Variants in CUX2 observed in about 807,000 individuals in gnomAD.
The protein encoded by CUX2 is homeobox protein cut-like 2.
A neutral mutation model predicts 144.8 loss-of-function variants in CUX2; 40 were observed. The observed-to-expected ratio is 0.28, with a 90% CI of 0.21 to 0.36. CUX2 has a LOEUF of 0.36. CUX2 is among the 10% of genes least tolerant of loss of function. The probability of loss-of-function intolerance (pLI) is 1.00; values close to 1 mark genes in which losing one functional copy is unlikely to be tolerated. For missense variants in CUX2, 1,615 were observed against 1,994.0 expected, an observed-to-expected ratio of 0.81 and a Z score of 3.62; for synonymous variants, 827 against 875.6, an observed-to-expected ratio of 0.94 and a Z score of 0.98.
intron 1 of CUX2, among the ~76,000 whole-genome samples, chr12:111,181,320 A>C (rs905493243): frequency 9.2e-5 from 14 of 152,252 alleles, no homozygotes; most frequent in African/African-American, 2.9e-4. Context: ...TAGGCAAGCC[A>C]GCAGCTGGCG....
In CUX2 at chr12:111,242,093, T is replaced by C. The variant is rs559504831; in HGVS notation, c.223-21668T>C. Reference sequence around the variant, plus strand: ...GCTGTTCTAAGCAGTGAACAAAATGTTCTAGCAGAGTATGACAGATCAATA... The same window carrying C: ...GCTGTTCTAAGCAGTGAACAAAATGCTCTAGCAGAGTATGACAGATCAATA... On this transcript the variant is annotated intron_variant, in intron 3 of 21. Transcript: ENST00000261726. 1.6e-4 allele frequency among the ~76,000 whole-genome samples: 25 copies of C among 152,374 alleles called. 2 individuals are homozygous for C. In the South Asian group the frequency reaches 5.2e-3, roughly 32 times the overall value.
chr12:111,268,207 GTTTGTTT>G (rs201865877), intron 4 of CUX2, among the ~76,000 whole-genome samples: 12,262 of 142,686 alleles, frequency 0.086, 1,254 homozygotes, highest in East Asian at 0.27. Flanking sequence ...TTTGGTTTTT[GTTTGTTT>G]TTTGTTTTTT....
chr12:111,308,482 C>T lies in CUX2; in HGVS notation c.1214C>T (p.Thr405Met), dbSNP rs375886505. ...LLIAKEAFFP[T>M]QKFLLEKPSL... ...ATTGCAAAGGAGGCCTTCTTCCCCACGCAGAAATTCCTTCTGGAGAAGCCC... is the reference window on the plus strand; with the variant it reads ...ATTGCAAAGGAGGCCTTCTTCCCCATGCAGAAATTCCTTCTGGAGAAGCCC... Residue 405 changes from threonine (T) to methionine (M), a missense_variant, in exon 14 of 22, where the codon ACG becomes ATG. Coordinates refer to ENST00000261726, the MANE Select transcript of CUX2 (RefSeq NM_015267.4). The T allele has an allele frequency of 3.3e-5, 54 of 1,613,956 alleles. No individual in the cohort carries two copies. The highest frequency in any genetic ancestry group is 6.7e-5 in the African/African-American group (5 of 74,932).
intron 9 of CUX2, among the ~76,000 whole-genome samples, chr12:111,302,839 G>T (rs777890079): frequency 4.5e-4 from 68 of 149,784 alleles, no homozygotes; most frequent in Non-Finnish European, 6.2e-4. Flanking sequence ...GGTGGAGGTT[G>T]CAGTGAGCCA....
chr12:111,159,314 G>GT (rs35677857), intron 1 of CUX2, among the ~76,000 whole-genome samples: 307 of 123,750 alleles, frequency 2.5e-3, no homozygotes, highest in Admixed American at 2.9e-3. Context: ...ATGCCCAGCT[G>GT]TTTTTTTTTT....
At chr12:111,058,975 C>A (rs1870652086) in intron 1 of CUX2, among the ~76,000 whole-genome samples, 1 of 152,188 alleles carries the variant, frequency 6.6e-6, no homozygotes, top group Admixed American at 6.5e-5. Flanking sequence ...ATATTGTTAT[C>A]TTTAAAGCAA....
chr12:111,096,410 GA>G (rs1872818300), intron 1 of CUX2, among the ~76,000 whole-genome samples: 1 of 152,216 alleles, frequency 6.6e-6, no homozygotes, highest in African/African-American at 2.4e-5. Context: ...GGCCACCACA[GA>G]GCAGAGTGGG....
intron 1 of CUX2, among the ~76,000 whole-genome samples, chr12:111,210,368 T>G (rs73197967): frequency 0.089 from 13,548 of 152,098 alleles, 651 homozygotes; most frequent in South Asian, 0.14. Context: ...TACAGTAACA[T>G]TTGGCAATAC....
chr12:111,170,545 CTTTTTTTTTTTT>C (rs34282526), intron 1 of CUX2, among the ~76,000 whole-genome samples: 2 of 79,940 alleles, frequency 2.5e-5, no homozygotes, highest in Non-Finnish European at 4.6e-5. Flanking sequence ...CCCAGCTCTT[CTTTTTTTTTTTT>C]TTTTTTTTTT....
intron 1 of CUX2, among the ~76,000 whole-genome samples, chr12:111,198,662 GA>G (rs1294900080): frequency 6.6e-6 from 1 of 152,228 alleles, no homozygotes; most frequent in Non-Finnish European, 1.5e-5. Flanking sequence ...GGAAAAGGAG[GA>G]AGGAGAAAGT....
At chr12:111,042,855 C>T (rs941264207) in intron 1 of CUX2, among the ~76,000 whole-genome samples, 31 of 150,730 alleles carry the variant, frequency 2.1e-4, no homozygotes, top group African/African-American at 5.6e-4. Context: ...AGGCTAGTCT[C>T]GAACTCCTAA....
In CUX2 at chr12:111,043,916, G is replaced by A. The variant is rs571991108; in HGVS notation, c.63+9676G>A. Among the ~76,000 whole-genome samples, 22 of 152,310 alleles carry A rather than the reference G, an allele frequency of 1.4e-4. No individual in the cohort carries two copies. In the Middle Eastern group the frequency reaches 0.02, roughly 141 times the overall value. On this transcript the variant is annotated intron_variant, in intron 1 of 21. Transcript: ENST00000261726. ...TCTTGCCCATCTTCGACTTCAGGGA[G>A]CGTGATAGGACCCGTGCTGCGCTGG...
At chr12:111,234,225 G>A (rs193234382) in intron 3 of CUX2, among the ~76,000 whole-genome samples, 240 of 152,296 alleles carry the variant, frequency 1.6e-3, no homozygotes, top group African/African-American at 5.2e-3. Context: ...ACAGAGCCCT[G>A]AATACACAGC....
At chr12:111,305,484 G>T (rs560173831) in intron 10 of CUX2, among the ~76,000 whole-genome samples, 1 of 152,086 alleles carries the variant, frequency 6.6e-6, no homozygotes. Flanking sequence ...TAACCTGACT[G>T]TGCCTCAGTT....
At chr12:111,232,210 AAAATAT>A (rs1882503654) in intron 3 of CUX2, among the ~76,000 whole-genome samples, 1 of 134,720 alleles carries the variant, frequency 7.4e-6, no homozygotes, top group Non-Finnish European at 1.5e-5. Flanking sequence ...ATCTGAAAAA[AAAATAT>A]ATATATATAT....
chr12:111,299,093 C>T (rs1317599272), intron 9 of CUX2, among the ~76,000 whole-genome samples: 1 of 152,204 alleles, frequency 6.6e-6, no homozygotes, highest in Non-Finnish European at 1.5e-5. Context: ...TCTTGAGTGC[C>T]CACCATGTCT....
At chr12:111,318,252 T>TTTTTTTTTTTTTTTTTTTTTG (rs1887299868) in intron 16 of CUX2, among the ~76,000 whole-genome samples, 1 of 148,450 alleles carries the variant, frequency 6.7e-6, no homozygotes, top group African/African-American at 2.5e-5. Context: ...TTTCTTTTTT[T>TTTTTTTTTTTTTTTTTTTTTG]TTTTTTTTTC....
intron 1 of CUX2, among the ~76,000 whole-genome samples, chr12:111,165,498 C>T (rs1444670013): frequency 2.0e-5 from 3 of 152,184 alleles, no homozygotes; most frequent in African/African-American, 7.2e-5. Flanking sequence ...ATTTGGGCCA[C>T]GTGCAGAGAA....
intron 18 of CUX2, among the ~76,000 whole-genome samples, chr12:111,323,503 A>G (rs1394603436): frequency 6.6e-6 from 1 of 152,246 alleles, no homozygotes; most frequent in Non-Finnish European, 1.5e-5. Context: ...ATTTAAAAAG[A>G]GGCTGAGGAC....
Sources: allele counts gnomAD v4.1 joint callset (sites outside exome capture counted in the v4.1 genomes callset), GRCh38; gene constraint gnomAD v4.1.1; transcripts MANE v1.5; gene names NCBI Gene and HGNC (gene_info 2026-07-23, HGNC 2026-07-21).